RAI1: variants seen among roughly 807,000 people sequenced by gnomAD.
The protein encoded by RAI1 is retinoic acid induced 1.
Under a neutral mutation model 123.8 loss-of-function variants are expected in RAI1, and 9 were observed. The ratio of observed to expected loss-of-function variants is 0.07; its 90% confidence interval spans 0.04 to 0.13. The LOEUF (loss-of-function observed/expected upper bound fraction) is 0.13. Among genes scored for constraint, RAI1 ranks in the 10% least tolerant of loss-of-function variants. The pLI, the probability that RAI1 is intolerant of heterozygous loss-of-function variation, is 1.00. For missense variants in RAI1, 2,256 were observed against 2,545.8 expected, an observed-to-expected ratio of 0.89 and a Z score of 2.45; for synonymous variants, 1,231 against 1,127.3, an observed-to-expected ratio of 1.09 and a Z score of -1.84.
intron 1 of RAI1, among the ~76,000 whole-genome samples, chr17:17,711,001 C>G (rs1460978700): frequency 4.6e-5 from 7 of 152,326 alleles, no homozygotes; most frequent in Middle Eastern, 6.8e-3. Context: ...CCTCCTCCCC[C>G]TCCCCTGCTC....
chr17:17,694,816 G>A (rs1914962080), intron 1 of RAI1, among the ~76,000 whole-genome samples: 1 of 150,870 alleles, frequency 6.6e-6, no homozygotes, highest in Admixed American at 6.6e-5. Context: ...GGCATGCTTC[G>A]CGGGGCCGCG....
rs1210760424 is a variant in RAI1, at chr17:17,794,819, A to G, written c.1871A>G (p.Lys624Arg). 1 of 1,612,560 alleles carries G rather than the reference A, an allele frequency of 6.2e-7. No individual in the cohort carries two copies. The highest frequency in any genetic ancestry group is 2.2e-5 in the East Asian group (1 of 44,870). The change falls in exon 3 of 6, where the codon AAA (lysine) becomes AGA (arginine). Residue 624 changes from lysine (K) to arginine (R), a missense_variant. Physicochemically the swap from Lys to Arg is conservative, Grantham distance 26. Coordinates refer to ENST00000353383, the MANE Select transcript of RAI1 (RefSeq NM_030665.4). Reference sequence around the variant, plus strand: ...GAAGCCATCGGTGAGAAGGCCGACAAAGCTTGGGCTGAAGCACCCAGCCTG... The same window carrying G: ...GAAGCCATCGGTGAGAAGGCCGACAGAGCTTGGGCTGAAGCACCCAGCCTG... ...LQEAIGEKAD[K>R]AWAEAPSLVK...
chr17:17,747,512 T>TG, intron 2 of RAI1, among the ~76,000 whole-genome samples: 1 of 152,182 alleles, frequency 6.6e-6, no homozygotes, highest in East Asian at 1.9e-4. Context: ...AGGGCTGTCC[T>TG]GGCAGCCCAT....
rs146123755 is a variant in RAI1, at chr17:17,685,456, G to A, written c.-149+3663G>A. Among the ~76,000 whole-genome samples, 9 of 152,372 alleles carry A rather than the reference G, an allele frequency of 5.9e-5. No homozygotes were observed. The highest frequency in any genetic ancestry group is 1.2e-4 in the African/African-American group (5 of 41,586). ...TTTGAGCAGGTGCTTCAGGCACGGC[G>A]AGGTAAGAGTGAGAGGAGCATTCCT... On this transcript the variant is annotated intron_variant, in intron 1 of 5. Transcript: ENST00000353383. The surrounding 1 kb of genome is among the most constrained non-coding windows in gnomAD (Gnocchi z 4.0).
chr17:17,759,461 G>A (rs1349108771), intron 2 of RAI1: 1 of 152,118 alleles, frequency 6.6e-6, no homozygotes, highest in Non-Finnish European at 1.5e-5. Flanking sequence ...ATGTTTCCCT[G>A]CAGTCTCACC....
intron 1 of RAI1, among the ~76,000 whole-genome samples, chr17:17,690,530 C>T (rs1914801546): frequency 6.6e-6 from 1 of 152,300 alleles, no homozygotes; most frequent in South Asian, 2.1e-4. Context: ...TCCCTAAGCC[C>T]GTTTCCTCCT....
intron 1 of RAI1, among the ~76,000 whole-genome samples, chr17:17,691,948 T>C (rs1914851803): frequency 6.6e-6 from 1 of 152,060 alleles, no homozygotes; most frequent in African/African-American, 2.4e-5. Context: ...CAAACACAGA[T>C]AGGGGTGAGG....
chr17:17,743,778 A>C (rs1417171114), intron 2 of RAI1, among the ~76,000 whole-genome samples: 1 of 152,212 alleles, frequency 6.6e-6, no homozygotes, highest in East Asian at 1.9e-4. Flanking sequence ...GGGAATCTGA[A>C]TTGTTACTAG....
intron 1 of RAI1, among the ~76,000 whole-genome samples, chr17:17,691,672 G>A (rs955348870): frequency 1.3e-5 from 2 of 152,088 alleles, no homozygotes; most frequent in African/African-American, 4.8e-5. Context: ...GCCTGGCCTC[G>A]GGGGGCCCAG....
chr17:17,725,522 G>A (rs1252034427), intron 2 of RAI1, among the ~76,000 whole-genome samples: 2 of 152,146 alleles, frequency 1.3e-5, no homozygotes, highest in African/African-American at 4.8e-5. Context: ...GTTCTGAGGC[G>A]GGGACTCAAT....
intron 2 of RAI1, among the ~76,000 whole-genome samples, chr17:17,744,681 T>C (rs1916758334): frequency 6.7e-6 from 1 of 148,934 alleles, no homozygotes; most frequent in Non-Finnish European, 1.5e-5. Context: ...TCCCAGCTAC[T>C]CAGGAGGCTG....
intron 2 of RAI1, among the ~76,000 whole-genome samples, chr17:17,746,478 G>A (rs977978680): frequency 6.6e-6 from 1 of 152,232 alleles, no homozygotes; most frequent in East Asian, 1.9e-4. Flanking sequence ...AGCTACCACC[G>A]TTCTCTGTCC....
chr17:17,726,019 C>G (rs1916076630), intron 2 of RAI1, among the ~76,000 whole-genome samples: 2 of 152,166 alleles, frequency 1.3e-5, no homozygotes, highest in Admixed American at 1.3e-4. Context: ...CTGACTGGAG[C>G]TAGCAGATTC....
At chr17:17,730,781 G>A (rs1045181305) in intron 2 of RAI1, among the ~76,000 whole-genome samples, 3 of 152,256 alleles carry the variant, frequency 2.0e-5, no homozygotes, top group Admixed American at 1.3e-4. Context: ...CTGGGGGACC[G>A]AGGCACAAGA....
chr17:17,734,397 T>C (rs1271603578), intron 2 of RAI1, among the ~76,000 whole-genome samples: 4 of 152,120 alleles, frequency 2.6e-5, no homozygotes, highest in African/African-American at 4.8e-5. Flanking sequence ...TGAGCCAAGA[T>C]TGTACCACTG....
intron 4 of RAI1, among the ~76,000 whole-genome samples, chr17:17,807,839 G>A (rs1376949250): frequency 6.6e-6 from 1 of 152,244 alleles, no homozygotes; most frequent in Non-Finnish European, 1.5e-5. Flanking sequence ...CCTGAGCCAA[G>A]GGAAGGGGAA....
chr17:17,799,228 G>A lies in RAI1; in HGVS notation c.5565+715G>A, dbSNP rs954641087. On this transcript the variant is annotated intron_variant, in intron 3 of 5. Transcript: ENST00000353383. The surrounding 1 kb of genome is among the most constrained non-coding windows in gnomAD (Gnocchi z 4.5). ...GCCCTCTCTGTGCCTCCGTCCCCTC[G>A]CCCCTAACGTGGGTATGAGGGTGCC... Among the ~76,000 whole-genome samples the A allele has an allele frequency of 1.3e-5, 2 of 152,152 alleles. No homozygotes were observed. Among genetic ancestry groups the A allele is most frequent in the African/African-American group, 2.4e-5 (1 of 41,420 alleles).
At chr17:17,724,937 C>A (rs1916029823) in intron 2 of RAI1, among the ~76,000 whole-genome samples, 1 of 152,156 alleles carries the variant, frequency 6.6e-6, no homozygotes, top group Non-Finnish European at 1.5e-5. Context: ...CCCTGCCCTG[C>A]GCCCCAGTCT....
chr17:17,705,650 C>CAG (rs1443398404), intron 1 of RAI1, among the ~76,000 whole-genome samples: 1 of 152,156 alleles, frequency 6.6e-6, no homozygotes, highest in African/African-American at 2.4e-5. Context: ...CGCTTATACC[C>CAG]AGCGGGCAGA....
Sources: gnomAD v4.1 joint callset for allele counts (sites outside exome capture counted in the v4.1 genomes callset) on GRCh38, gnomAD v4.1.1 for gene constraint, Gnocchi (gnomAD v3.1) non-coding constraint, MANE v1.5 for transcripts, NCBI Gene and HGNC (gene_info 2026-07-23, HGNC 2026-07-21) for gene names.